Variants in TRIM58 observed in about 807,000 individuals in gnomAD.
TRIM58 encodes E3 ubiquitin-protein ligase TRIM58.
A neutral mutation model predicts 34.1 loss-of-function variants in TRIM58; 38 were observed. The observed-to-expected ratio is 1.12, with a 90% CI of 0.86 to 1.46. The LOEUF (loss-of-function observed/expected upper bound fraction) is 1.46, where lower values mean the gene tolerates loss of function less well. TRIM58 is among the 40% of genes most tolerant of loss of function. The pLI is 0.00. For synonymous variants in TRIM58, 273 were observed against 275.7 expected (o/e 0.99, Z 0.10); for missense variants, 677 against 642.0 (o/e 1.05, Z -0.59).
At chr1:247,873,961 G>A (rs532911813) in intron 5 of TRIM58, among the ~76,000 whole-genome samples, 11 of 143,040 alleles carry the variant, frequency 7.7e-5, no homozygotes, top group African/African-American at 1.4e-4. Context: ...GCGAGACTCC[G>A]TTTCAAAAAA....
intron 1 of TRIM58, among the ~76,000 whole-genome samples, chr1:247,858,821 C>T (rs918925095): frequency 8.3e-6 from 1 of 121,108 alleles, no homozygotes; most frequent in East Asian, 2.9e-4. Context: ...AGGGCAGTGG[C>T]GCAATCTCGG....
chr1:247,875,472 G>A (rs1031346122), intron 5 of TRIM58, among the ~76,000 whole-genome samples: 1 of 151,978 alleles, frequency 6.6e-6, no homozygotes, highest in African/African-American at 2.4e-5. Context: ...AGGCTGTAGT[G>A]TACCACGGCT....
Position 247,879,985 on chromosome 1 carries a change from T to C in TRIM58, c.*3496T>C, listed in dbSNP as rs1659373733. ...AATTTATGTATGTTTTGCCTTTTTG[T>C]GCTAAATGTAAACACCACAAGGGGA... On this transcript the variant is annotated 3_prime_UTR_variant, in exon 6 of 6. Coordinates refer to ENST00000366481, the MANE Select transcript of TRIM58 (RefSeq NM_015431.4). Among the ~76,000 whole-genome samples the C allele has an allele frequency of 6.6e-6, 1 of 152,004 alleles. No homozygotes were observed. Among genetic ancestry groups the C allele is most frequent in the African/African-American group, 2.4e-5 (1 of 41,388 alleles).
intron 1 of TRIM58, among the ~76,000 whole-genome samples, chr1:247,860,411 T>C (rs534601903): frequency 1.2e-4 from 17 of 139,140 alleles, no homozygotes; most frequent in African/African-American, 4.7e-4. Context: ...CAGTGAGCCA[T>C]GATCGCAACA....
chr1:247,870,177 A>G (rs1349616433), intron 5 of TRIM58, among the ~76,000 whole-genome samples: 1 of 152,200 alleles, frequency 6.6e-6, no homozygotes, highest in Non-Finnish European at 1.5e-5. Context: ...GATGGTCTCC[A>G]AGGGCCTTTA....
chr1:247,857,713 A>G, intron 1 of TRIM58, 47 bp downstream of exon 1: 1 of 1,209,472 alleles, frequency 8.3e-7, no homozygotes, highest in Non-Finnish European at 1.0e-6. Flanking sequence ...GTGACCGGGA[A>G]GCGGGCGACA....
intron 5 of TRIM58, among the ~76,000 whole-genome samples, chr1:247,874,814 TGGCCA>T (rs1489333419): frequency 1.3e-5 from 2 of 152,338 alleles, no homozygotes; most frequent in South Asian, 2.1e-4. Context: ...ATATGGGTGT[TGGCCA>T]GGCCAGGCCA....
At chr1:247,863,165 AG>A (rs1346171788) in intron 2 of TRIM58, among the ~76,000 whole-genome samples, 1 of 152,374 alleles carries the variant, frequency 6.6e-6, no homozygotes, top group East Asian at 1.9e-4. Flanking sequence ...GGAAGGAAGT[AG>A]TTAAGTCTTA....
rs1158205517 is a variant in TRIM58 at position 247,877,940 on chromosome 1, C to G, written c.*1451C>G. The stretch of plus-strand genomic sequence containing the variant: ...CTTTGGGAGGCCGAGGTGGGCAGAT[C>G]ACGAGGTCAGGAGATTGAGACCATC... On this transcript the variant is annotated 3_prime_UTR_variant, in exon 6 of 6. Coordinates refer to ENST00000366481, the MANE Select transcript of TRIM58 (RefSeq NM_015431.4). 6.6e-6 allele frequency: 1 copy of G among 152,026 alleles called. No individual in the cohort carries two copies. The highest frequency in any genetic ancestry group is 2.1e-4 in the South Asian group (1 of 4,810). 9.4% of individuals were successfully genotyped at this position (152,026 alleles called of 1,614,324 possible).
chr1:247,873,739 G>A (rs560544841), intron 5 of TRIM58, among the ~76,000 whole-genome samples: 2 of 152,140 alleles, frequency 1.3e-5, no homozygotes, highest in Admixed American at 6.5e-5. Flanking sequence ...AGGCTGAGGC[G>A]GATGGATTGC....
At chr1:247,863,707 T>G (rs1663852723) in intron 2 of TRIM58, among the ~76,000 whole-genome samples, 1 of 152,180 alleles carries the variant, frequency 6.6e-6, no homozygotes, top group South Asian at 2.1e-4. Context: ...AATTTACCTC[T>G]CGTACTCAGC....
At chr1:247,865,196 G>A (rs1663893004) in intron 3 of TRIM58, among the ~76,000 whole-genome samples, 2 of 152,150 alleles carry the variant, frequency 1.3e-5, no homozygotes, top group African/African-American at 4.8e-5. Flanking sequence ...TAGGGAGGCT[G>A]AGACAGGAGG....
chr1:247,873,827 G>T (rs182738666), intron 5 of TRIM58, among the ~76,000 whole-genome samples: 1 of 152,264 alleles, frequency 6.6e-6, no homozygotes, highest in Admixed American at 6.5e-5. Flanking sequence ...AAAACTAGCT[G>T]GGCATGGTGG....
At position 247,857,417 on chromosome 1, in the gene TRIM58, T is replaced by A; in HGVS notation, c.171T>A (p.Cys57Ter). ...SDGAQGGVYACPQCRGPFRPS... is the reference protein window; with the variant it reads ...SDGAQGGVYA ...GCGCGCAGGGCGGCGTCTACGCCTG[T>A]CCGCAGTGCCGGGGCCCCTTCCGGC... The change falls in exon 1 of 6, where the codon TGT becomes TGA. Residue 57 changes from cysteine to a stop codon, truncating the protein, a stop_gained. Coordinates refer to ENST00000366481, the MANE Select transcript of TRIM58 (RefSeq NM_015431.4). LOFTEE classifies it high-confidence loss of function. 6.7e-7 allele frequency: 1 copy of A among 1,498,994 alleles called. No homozygotes were observed. Among genetic ancestry groups the A allele is most frequent in the Non-Finnish European group, 8.9e-7 (1 of 1,120,826 alleles). 92.9% of individuals were successfully genotyped at this position (1,498,994 alleles called of 1,614,324 possible). A position where few individuals can be genotyped will look rare whatever the true frequency, so the allele number is the denominator to read the frequency against.
At chr1:247,858,694 A>G (rs1663697605) in intron 1 of TRIM58, among the ~76,000 whole-genome samples, 2 of 149,320 alleles carry the variant, frequency 1.3e-5, no homozygotes, top group Non-Finnish European at 3.0e-5. Context: ...TTCTAGCTAA[A>G]CTTTTCTGGA....
Position 247,860,691 on chromosome 1 carries a change from GA to G in TRIM58, c.500del (p.Lys167ArgfsTer35), listed in dbSNP as rs1253417158. The G allele has an allele frequency of 1.2e-6, 2 of 1,613,106 alleles. No homozygotes were observed. Among genetic ancestry groups the G allele is most frequent in the Non-Finnish European group, 1.7e-6 (2 of 1,179,316 alleles). On this transcript the variant is annotated frameshift_variant, in exon 2 of 6. Transcript: ENST00000366481. LOFTEE classifies it high-confidence loss of function. ...DALTQEANVG[K>X]KTVIWKEKVE... is the part of the protein sequence containing the mutation. ...CCTTGACTCAGGAGGCCAACGTGGG[GA>G]AAAAGACTGTCATTTGGAAGGTAAG...
Position 247,876,578 on chromosome 1 carries a change from C to G in TRIM58, c.*89C>G. 2.1e-6 allele frequency: 2 copies of G among 955,634 alleles called. No homozygotes were observed. The highest frequency in any genetic ancestry group is 3.4e-5 in the South Asian group (2 of 59,548). The allele number at this position is 955,634 out of a possible 1,614,324, so 59.2% of individuals were successfully genotyped here. On this transcript the variant is annotated 3_prime_UTR_variant, in exon 6 of 6. Transcript: ENST00000366481. ...AATATACTAAGTTTTAACAGATACC[C>G]CATTTAGGTCAGCACTTGATTCGTT...
At position 247,869,314 on chromosome 1, in the gene TRIM58, G is replaced by C. The variant is rs536621348; in HGVS notation, c.871+1251G>C. 1.1e-4 allele frequency among the ~76,000 whole-genome samples: 17 copies of C among 152,012 alleles called. No individual in the cohort carries two copies. The East Asian group carries it at 1.2e-3, about 10-fold the overall frequency. Reference sequence around the variant, plus strand: ...AAGCCCCTCTCCCTCTTCAGAGGTGGGGGGGGGTGAGGCGTGAAGGACTGA... The same window carrying C: ...AAGCCCCTCTCCCTCTTCAGAGGTGCGGGGGGGTGAGGCGTGAAGGACTGA... On this transcript the variant is annotated intron_variant, in intron 5 of 5. Transcript: ENST00000366481.
At chr1:247,870,376 A>C (rs113629787) in intron 5 of TRIM58, among the ~76,000 whole-genome samples, 166 of 112,178 alleles carry the variant, frequency 1.5e-3, no homozygotes, top group Middle Eastern at 9.4e-3. Flanking sequence ...ATTCATGAGC[A>C]GTATCAGAGT....
Sources: gnomAD v4.1 joint callset for allele counts (sites outside exome capture counted in the v4.1 genomes callset) on GRCh38, gnomAD v4.1.1 for gene constraint, MANE v1.5 for transcripts, NCBI Gene and HGNC (gene_info 2026-07-23, HGNC 2026-07-21) for gene names.